The following OR10G7 variants were observed in gnomAD, a reference collection of about 807,000 sequenced individuals.
OR10G7 encodes the protein olfactory receptor 10G7.
For synonymous variants in OR10G7, 165 were observed against 167.4 expected, an observed-to-expected ratio of 0.99 and a Z score of 0.11; for missense variants, 338 against 382.1, an observed-to-expected ratio of 0.88 and a Z score of 0.96.
chr11:124,036,500 C>A lies in OR10G7; in HGVS notation c.*1566G>T, dbSNP rs199744420. On this transcript the variant is annotated 3_prime_UTR_variant, in exon 2 of 2. Coordinates refer to ENST00000641585, the MANE Select transcript of OR10G7 (RefSeq NM_001004463.2). ...GCAGAGACCTTGTCTATTGTTTTTG[C>A]GTATCTACTGTTTAGCATGTGACTT... The A allele has an allele frequency of 6.6e-6, 1 of 152,120 alleles. No individual in the cohort carries two copies. Among genetic ancestry groups the A allele is most frequent in the East Asian group, 1.9e-4 (1 of 5,196 alleles). 9.4% of individuals were successfully genotyped at this position (152,120 alleles called of 1,614,324 possible).
At position 124,038,297 on chromosome 11, in the gene OR10G7, T is replaced by G. The variant is rs772517733; in HGVS notation, c.705A>C (p.Arg235Ser). The change falls in exon 2 of 2, where the codon AGA becomes AGC. Residue 235 changes from arginine (R) to serine (S), a missense_variant. Transcript: ENST00000641585. ...AGTGGGAGGCACAGGTCTGAAAGGCTCTGTGCCTCCCCTCTGAGGTGCGGA... is the reference window on the plus strand; with the variant it reads ...AGTGGGAGGCACAGGTCTGAAAGGCGCTGTGCCTCCCCTCTGAGGTGCGGA... ...LRIRTSEGRHRAFQTCASHCI... is the reference protein window; with the variant it reads ...LRIRTSEGRHSAFQTCASHCI... 6.2e-6 allele frequency: 10 copies of G among 1,614,060 alleles called. No individual in the cohort carries two copies. The South Asian group carries it at 7.7e-5, about 12-fold the overall frequency.
rs1444813091 is a variant in OR10G7 at position 124,036,018 on chromosome 11, G to A, written c.*2048C>T. On this transcript the variant is annotated 3_prime_UTR_variant, in exon 2 of 2. Transcript: ENST00000641585. Reference sequence around the variant, plus strand: ...AGCCAGGTTAAAATTAACATACACTGGTGTTAAAACTGTATAGTATTTAAC... The same window carrying A: ...AGCCAGGTTAAAATTAACATACACTAGTGTTAAAACTGTATAGTATTTAAC... 6.6e-6 allele frequency: 1 copy of A among 152,078 alleles called. No homozygotes were observed. The highest frequency in any genetic ancestry group is 2.4e-5 in the African/African-American group (1 of 41,412). 9.4% of individuals were successfully genotyped at this position (152,078 alleles called of 1,614,324 possible).
Position 124,036,077 on chromosome 11 carries a change from A to G in OR10G7, c.*1989T>C, listed in dbSNP as rs1049171675. 2.0e-5 allele frequency: 3 copies of G among 152,156 alleles called. No homozygotes were observed. The East Asian group carries it at 5.8e-4, about 29-fold the overall frequency. 9.4% of individuals were successfully genotyped at this position (152,156 alleles called of 1,614,324 possible). A position where few individuals can be genotyped will look rare whatever the true frequency, so the allele number is the denominator to read the frequency against. ...ACACATACACGTGAGTAAAACTAGA[A>G]AAATCTGAATAAGATTTGTGGATTA... On this transcript the variant is annotated 3_prime_UTR_variant, in exon 2 of 2. Coordinates refer to ENST00000641585, the MANE Select transcript of OR10G7 (RefSeq NM_001004463.2).
rs199934441 is a variant in OR10G7 at position 124,038,209 on chromosome 11, C to T, written c.793G>A (p.Asp265Asn). 147 of 1,613,928 alleles carry T rather than the reference C, an allele frequency of 9.1e-5. No homozygotes were observed. The highest frequency in any genetic ancestry group is 9.2e-5 in the Non-Finnish European group (109 of 1,180,028). The stretch of plus-strand genomic sequence containing the variant: ...ACGGCCACAACCCCATGCAAGGCGT[C>T]CCTGGAGCCTGGCCTCAGGTAAATG... The part of the protein sequence containing the change: ...LFIYLRPGSR[D>N]ALHGVVAVFY... The change falls in exon 2 of 2, where the codon GAC becomes AAC. Residue 265 changes from aspartate (D) to asparagine (N), a missense_variant. By Grantham distance (23) the Asp-to-Asn change is conservative. Coordinates refer to ENST00000641585, the MANE Select transcript of OR10G7 (RefSeq NM_001004463.2).
intron 1 of OR10G7, among the ~76,000 whole-genome samples, chr11:124,040,311 C>A (rs775949089): frequency 9.9e-5 from 15 of 151,790 alleles, no homozygotes; most frequent in Non-Finnish European, 2.1e-4. Context: ...AAATGCCCTT[C>A]TAAAAATAAA....
At position 124,037,920 on chromosome 11, in the gene OR10G7, G is replaced by GA; in HGVS notation, c.*145dup. The GA allele has an allele frequency of 3.5e-6, 2 of 574,784 alleles. No individual in the cohort carries two copies. The highest frequency in any genetic ancestry group is 6.8e-5 in the South Asian group (2 of 29,224). 35.6% of individuals were successfully genotyped at this position (574,784 alleles called of 1,614,324 possible). A position where few individuals can be genotyped will look rare whatever the true frequency, so the allele number is the denominator to read the frequency against. On this transcript the variant is annotated 3_prime_UTR_variant, in exon 2 of 2. Coordinates refer to ENST00000641585, the MANE Select transcript of OR10G7 (RefSeq NM_001004463.2). Reference sequence around the variant, plus strand: ...CTAGGATTCTAACAAACACTCTGCAGAAAAAAATGAAAAATTAATTAACTG... The same window carrying GA: ...CTAGGATTCTAACAAACACTCTGCAGAAAAAAAATGAAAAATTAATTAACTG...
At chr11:124,039,542 G>T (rs890078401) in intron 1 of OR10G7, among the ~76,000 whole-genome samples, 3 of 152,100 alleles carry the variant, frequency 2.0e-5, no homozygotes, top group Non-Finnish European at 4.4e-5. Context: ...ATTCTGGATG[G>T]CTGGGAGAAA....
Position 124,038,614 on chromosome 11 carries a change from T to C in OR10G7, c.388A>G (p.Arg130Gly). The C allele has an allele frequency of 6.2e-7, 1 of 1,613,962 alleles. No individual in the cohort carries two copies. Among genetic ancestry groups the C allele is most frequent in the Non-Finnish European group, 8.5e-7 (1 of 1,179,982 alleles). The change falls in exon 2 of 2, where the codon AGG becomes GGG. Residue 130 changes from arginine (R) to glycine (G), a missense_variant. Coordinates refer to ENST00000641585, the MANE Select transcript of OR10G7 (RefSeq NM_001004463.2). ...CGCCCAGTCATCATGTTGGTGTACC[T>C]GAGCGGGTAACTGATGGCCAGGTAG... ...DRYLAISYPL[R>G]YTNMMTGRSC...
At chr11:124,039,105 G>C in intron 1 of OR10G7, 84 bp from the exon 2 acceptor site, 1 of 1,290,318 alleles carries the variant, frequency 7.8e-7, no homozygotes, top group Middle Eastern at 1.9e-4. Context: ...TTCTGATTAA[G>C]AACAATAGGG....
chr11:124,039,083 G>A, intron 1 of OR10G7, 62 bp from the exon 2 acceptor site: 12 of 1,448,764 alleles, frequency 8.3e-6, no homozygotes, highest in Non-Finnish European at 9.4e-6. Context: ...ATGAAATATG[G>A]CAACTATATT....
At chr11:124,040,261 G>A (rs1864231854) in intron 1 of OR10G7, among the ~76,000 whole-genome samples, 1 of 152,014 alleles carries the variant, frequency 6.6e-6, no homozygotes, top group South Asian at 2.1e-4. Context: ...TTGAGTTTCA[G>A]AATGGAATTA....
chr11:124,039,894 C>A (rs549872658), intron 1 of OR10G7, among the ~76,000 whole-genome samples: 4 of 152,240 alleles, frequency 2.6e-5, no homozygotes, highest in African/African-American at 9.6e-5. Context: ...GATCCTCCCC[C>A]TCCCCACCCC....
Position 124,038,471 on chromosome 11 carries a change from G to A in OR10G7, c.531C>T (p.Phe177=). The stretch of plus-strand genomic sequence containing the variant: ...GTTTCAGGATGGGCGGTGCGTCACA[G>A]AAGTAGTGCTGGATCTGGTTGGGTC... The part of the protein sequence containing the change: ...YCGPNQIQHY[F]CDAPPILKLA... The change falls in exon 2 of 2, where the codon TTC becomes TTT. Residue 177 remains phenylalanine (F), a synonymous_variant. Coordinates refer to ENST00000641585, the MANE Select transcript of OR10G7 (RefSeq NM_001004463.2). The A allele has an allele frequency of 6.2e-7, 1 of 1,613,596 alleles. No individual in the cohort carries two copies. The highest frequency in any genetic ancestry group is 8.5e-7 in the Non-Finnish European group (1 of 1,179,740).
Position 124,036,053 on chromosome 11 carries a change from C to T in OR10G7, c.*2013G>A, listed in dbSNP as rs1864189384. ...CTGTATAGTATTTAACAAATACACA[C>T]ACATACACGTGAGTAAAACTAGAAA... On this transcript the variant is annotated 3_prime_UTR_variant, in exon 2 of 2. Transcript: ENST00000641585. The T allele has an allele frequency of 6.6e-6, 1 of 152,092 alleles. No homozygotes were observed. The highest frequency in any genetic ancestry group is 6.5e-5 in the Admixed American group (1 of 15,268). The allele number at this position is 152,092 out of a possible 1,614,324, so 9.4% of individuals were successfully genotyped here. A position where few individuals can be genotyped will look rare whatever the true frequency, so the allele number is the denominator to read the frequency against.
intron 1 of OR10G7, among the ~76,000 whole-genome samples, chr11:124,039,694 C>A (rs729775): frequency 0.28 from 41,809 of 151,944 alleles, 6,211 homozygotes; most frequent in East Asian, 0.39. Flanking sequence ...GGGACTGGTA[C>A]CGGTCCATGG....
At position 124,036,793 on chromosome 11, in the gene OR10G7, T is replaced by C. The variant is rs562124270; in HGVS notation, c.*1273A>G. The C allele has an allele frequency of 6.6e-6, 1 of 152,346 alleles. No individual in the cohort carries two copies. Among genetic ancestry groups the C allele is most frequent in the Non-Finnish European group, 1.5e-5 (1 of 68,016 alleles). 9.4% of individuals were successfully genotyped at this position (152,346 alleles called of 1,614,324 possible). On this transcript the variant is annotated 3_prime_UTR_variant, in exon 2 of 2. Transcript: ENST00000641585. ...GCTTCATGTACTGTGTCATGGTTTA[T>C]GTAGCTCATGCTTACCAAGTTAGTA...
In OR10G7 at chr11:124,038,222, C is replaced by T. The variant is rs1442700120; in HGVS notation, c.780G>A (p.Arg260=). Residue 260 remains arginine (R), a synonymous_variant, in exon 2 of 2, where the codon AGG becomes AGA. Coordinates refer to ENST00000641585, the MANE Select transcript of OR10G7 (RefSeq NM_001004463.2). ...FFGPGLFIYL[R]PGSRDALHGV... is the part of the protein sequence containing the mutation. ...CATGCAAGGCGTCCCTGGAGCCTGGCCTCAGGTAAATGAAAAGACCAGGGC... is the reference window on the plus strand; with the variant it reads ...CATGCAAGGCGTCCCTGGAGCCTGGTCTCAGGTAAATGAAAAGACCAGGGC... 16 of 1,613,976 alleles carry T rather than the reference C, an allele frequency of 9.9e-6. No homozygotes were observed. Among genetic ancestry groups the T allele is most frequent in the Non-Finnish European group, 1.3e-5 (15 of 1,179,980 alleles).
rs1233972812 is a variant in OR10G7, at chr11:124,036,541, T to A, written c.*1525A>T. 6.6e-6 allele frequency: 1 copy of A among 152,192 alleles called. No homozygotes were observed. Among genetic ancestry groups the A allele is most frequent in the Non-Finnish European group, 1.5e-5 (1 of 68,034 alleles). 9.4% of individuals were successfully genotyped at this position (152,192 alleles called of 1,614,324 possible). A position where few individuals can be genotyped will look rare whatever the true frequency, so the allele number is the denominator to read the frequency against. On this transcript the variant is annotated 3_prime_UTR_variant, in exon 2 of 2. Coordinates refer to ENST00000641585, the MANE Select transcript of OR10G7 (RefSeq NM_001004463.2). ...CATGTGACTTAACACCCAATAAATA[T>A]CCCATAACATTTTAGGTAATGGTAA...
chr11:124,038,018 T>A lies in OR10G7; in HGVS notation c.*48A>T. On this transcript the variant is annotated 3_prime_UTR_variant, in exon 2 of 2. Coordinates refer to ENST00000641585, the MANE Select transcript of OR10G7 (RefSeq NM_001004463.2). ...TAATGCTTATGTTGAAGGTTTAATTTAATTACAAATAAAAAAAGAAAAGTT... is the reference window on the plus strand; with the variant it reads ...TAATGCTTATGTTGAAGGTTTAATTAAATTACAAATAAAAAAAGAAAAGTT... 3 of 1,258,824 alleles carry A rather than the reference T, an allele frequency of 2.4e-6. No homozygotes were observed. The highest frequency in any genetic ancestry group is 3.3e-6 in the Non-Finnish European group (3 of 906,094). The allele number at this position is 1,258,824 out of a possible 1,614,324, so 78.0% of individuals were successfully genotyped here.
Sources: allele counts gnomAD v4.1 joint callset (sites outside exome capture counted in the v4.1 genomes callset), GRCh38; gene constraint gnomAD v4.1.1; transcripts MANE v1.5; gene names NCBI Gene and HGNC (gene_info 2026-07-23, HGNC 2026-07-21).